EFL1: variants seen among roughly 807,000 people sequenced by gnomAD.
The protein encoded by EFL1 is elongation factor like GTPase 1.
Under a neutral mutation model 126.7 loss-of-function variants are expected in EFL1, and 76 were observed. The ratio of observed to expected loss-of-function variants is 0.60; its 90% CI spans 0.50 to 0.73. The LOEUF (loss-of-function observed/expected upper bound fraction) is 0.73, where lower values mean the gene tolerates loss of function less well. Among genes scored for constraint, EFL1 ranks in the 30% least tolerant of loss-of-function variants. EFL1 has a pLI of 0.00. For missense variants in EFL1, 1,128 were observed against 1,343.2 expected, an observed-to-expected ratio of 0.84 and a Z score of 2.50; for synonymous variants, 410 against 448.4, an observed-to-expected ratio of 0.91 and a Z score of 1.08.
chr15:82,160,413 A>G (rs1346435731), intron 16 of EFL1, among the ~76,000 whole-genome samples: 2 of 152,238 alleles, frequency 1.3e-5, no homozygotes, highest in Admixed American at 6.5e-5. Flanking sequence ...TCAAGCCACT[A>G]AATTTTGAAG....
At chr15:82,261,254 C>T (rs1164262361) in intron 2 of EFL1, among the ~76,000 whole-genome samples, 10 of 152,172 alleles carry the variant, frequency 6.6e-5, no homozygotes, top group Admixed American at 5.2e-4. Flanking sequence ...CCCGTTAAAA[C>T]CTCCCCTGGG....
At chr15:82,161,118 C>T (rs1402156645) in intron 16 of EFL1, among the ~76,000 whole-genome samples, 2 of 151,518 alleles carry the variant, frequency 1.3e-5, no homozygotes, top group Admixed American at 6.6e-5. Flanking sequence ...CAAATGCTCA[C>T]GATTTGCTTC....
intron 18 of EFL1, among the ~76,000 whole-genome samples, chr15:82,150,892 T>C (rs890565241): frequency 5.3e-5 from 8 of 152,214 alleles, no homozygotes; most frequent in Non-Finnish European, 1.2e-4. Context: ...TGGTAACACA[T>C]ATGAGCAGTT....
intron 17 of EFL1, among the ~76,000 whole-genome samples, chr15:82,154,030 CA>C (rs559861103): frequency 2.0e-4 from 30 of 152,306 alleles, no homozygotes; most frequent in African/African-American, 7.2e-4. Flanking sequence ...ATTCCTGTAA[CA>C]TAGTCAAAAG....
intron 12 of EFL1, among the ~76,000 whole-genome samples, chr15:82,222,161 G>T (rs1360255336): frequency 2.0e-5 from 3 of 152,196 alleles, no homozygotes; most frequent in Non-Finnish European, 2.9e-5. Context: ...TTATCACTAT[G>T]ATCCAGAGAC....
At chr15:82,166,443 GT>G (rs2074080323) in intron 15 of EFL1, among the ~76,000 whole-genome samples, 3 of 152,296 alleles carry the variant, frequency 2.0e-5, no homozygotes, top group African/African-American at 7.2e-5. Context: ...TCCAAAGATA[GT>G]AAAAACTTCA....
At chr15:82,145,303 C>CAAA (rs59928134) in intron 18 of EFL1, among the ~76,000 whole-genome samples, 1 of 96,472 alleles carries the variant, frequency 1.0e-5, no homozygotes, top group Non-Finnish European at 2.2e-5. Context: ...AACTCTGTCT[C>CAAA]AAAAAAAAAA....
intron 19 of EFL1, among the ~76,000 whole-genome samples, chr15:82,132,547 G>GC (rs34341015): frequency 0.44 from 65,681 of 150,268 alleles, 15,015 homozygotes; most frequent in South Asian, 0.73. Context: ...AGAGCAGCCA[G>GC]GGGGCACAGA....
intron 18 of EFL1, among the ~76,000 whole-genome samples, chr15:82,143,495 C>G (rs943601736): frequency 6.6e-6 from 1 of 152,150 alleles, no homozygotes; most frequent in African/African-American, 2.4e-5. Flanking sequence ...TTGGTAGGTA[C>G]TTATTCTTAT....
intron 15 of EFL1, among the ~76,000 whole-genome samples, chr15:82,209,306 CACAG>C (rs1436104603): frequency 2.6e-5 from 3 of 116,108 alleles, no homozygotes; most frequent in African/African-American, 1.0e-4. Context: ...AGGATTCACA[CACAG>C]ACACAGACAC....
At chr15:82,161,325 C>T (rs930538344) in intron 16 of EFL1, among the ~76,000 whole-genome samples, 4 of 152,072 alleles carry the variant, frequency 2.6e-5, no homozygotes, top group Non-Finnish European at 5.9e-5. Context: ...ATGTAATCTA[C>T]GAATAAGGGG....
intron 15 of EFL1, among the ~76,000 whole-genome samples, chr15:82,190,721 T>C (rs1286916586): frequency 6.6e-6 from 1 of 152,180 alleles, no homozygotes; most frequent in Non-Finnish European, 1.5e-5. Context: ...ATATTCCAGG[T>C]CTTGAGTAAA....
At chr15:82,241,545 A>G in intron 4 of EFL1, 142 bp from the exon 5 acceptor site, 1 of 1,015,508 alleles carries the variant, frequency 9.8e-7, no homozygotes, top group Non-Finnish European at 1.4e-6. Flanking sequence ...ATCCAGAGCT[A>G]CCATTCCAAC....
intron 11 of EFL1, among the ~76,000 whole-genome samples, chr15:82,226,314 G>A (rs535914927): frequency 1.8e-4 from 28 of 152,232 alleles, no homozygotes; most frequent in Non-Finnish European, 3.4e-4. Context: ...GACTACAAGC[G>A]TGTACCACCA....
chr15:82,130,544 G>A lies in EFL1; in HGVS notation c.3192C>T (p.Pro1064=), dbSNP rs749794425. The change falls in exon 20 of 20, where the codon CCC becomes CCT. Residue 1064 remains proline (P), a synonymous_variant. Transcript: ENST00000268206. ...CCTCCTCAGTAGTTGGCACCCAGAA[G>A]GGGTCACTGGGAATGATCTTGTAAA... The part of the protein sequence containing the change: ...FSHWEIIPSD[P]FWVPTTEEEY... 1.9e-5 allele frequency: 30 copies of A among 1,613,894 alleles called. No individual in the cohort carries two copies. The highest frequency in any genetic ancestry group is 2.4e-5 in the Non-Finnish European group (28 of 1,179,976).
intron 18 of EFL1, among the ~76,000 whole-genome samples, chr15:82,143,323 G>A (rs963545984): frequency 6.6e-6 from 1 of 152,042 alleles, no homozygotes; most frequent in East Asian, 1.9e-4. Context: ...TCTATCATAA[G>A]GTTACAGTTA....
intron 16 of EFL1, among the ~76,000 whole-genome samples, chr15:82,162,696 T>G (rs896967124): frequency 1.3e-5 from 2 of 152,230 alleles, no homozygotes; most frequent in Admixed American, 1.3e-4. Flanking sequence ...TTACTAGGGC[T>G]GGCCCCAAAG....
intron 15 of EFL1, among the ~76,000 whole-genome samples, chr15:82,189,987 C>T (rs144750180): frequency 6.6e-5 from 10 of 151,768 alleles, no homozygotes; most frequent in African/African-American, 2.4e-4. Context: ...GGGGATGGTG[C>T]GTGCCTGTAG....
intron 19 of EFL1, among the ~76,000 whole-genome samples, chr15:82,131,709 T>C (rs975963405): frequency 2.0e-5 from 3 of 152,084 alleles, no homozygotes; most frequent in Non-Finnish European, 2.9e-5. Context: ...GGAGAATCTC[T>C]TGAACCCAGG....
Sources: allele counts gnomAD v4.1 joint callset (sites outside exome capture counted in the v4.1 genomes callset), GRCh38; gene constraint gnomAD v4.1.1; transcripts MANE v1.5; gene names NCBI Gene and HGNC (gene_info 2026-07-23, HGNC 2026-07-21).